Variants in FGGY observed in about 807,000 individuals in gnomAD.
FGGY encodes the protein FGGY carbohydrate kinase domain containing.
Under a neutral mutation model 71.3 loss-of-function variants are expected in FGGY, and 72 were observed. The ratio of observed to expected loss-of-function variants is 1.01; its 90% CI spans 0.84 to 1.23. FGGY has a LOEUF of 1.23. Among genes scored for constraint, FGGY ranks in the 50% most tolerant of loss-of-function variants. The pLI, the probability that FGGY is intolerant of heterozygous loss-of-function variation, is 0.00. For synonymous variants in FGGY, 251 were observed against 250.3 expected, an observed-to-expected ratio of 1.00 and a Z score of -0.02; for missense variants, 668 against 682.3, an observed-to-expected ratio of 0.98 and a Z score of 0.23.
intron 8 of FGGY, among the ~76,000 whole-genome samples, chr1:59,591,446 C>G (rs374276435): frequency 2.0e-4 from 30 of 152,014 alleles, no homozygotes; most frequent in South Asian, 4.2e-4. Flanking sequence ...CTACTTTAAA[C>G]TTCATATGGA....
chr1:59,296,637 A>AGGCCGTGCTTTACGGG (rs1553127428), upstream of FGGY: 1 of 104,276 alleles, frequency 9.6e-6, no homozygotes, highest in African/African-American at 3.7e-5. Flanking sequence ...AGGGCCAATC[A>AGGCCGTGCTTTACGGG]GGCCGCGCTT....
At chr1:59,546,535 G>GATGATGATTATT (rs1399823769) in intron 7 of FGGY, among the ~76,000 whole-genome samples, 2 of 129,352 alleles carry the variant, frequency 1.5e-5, no homozygotes, top group African/African-American at 6.2e-5. Context: ...TGATGATGAT[G>GATGATGATTATT]ATTATTATTA....
chr1:59,746,207 A>G (rs1408041407), intron 14 of FGGY, among the ~76,000 whole-genome samples: 19 of 152,208 alleles, frequency 1.2e-4, no homozygotes, highest in Admixed American at 1.2e-3. Context: ...GACATGTGTC[A>G]TTGTATCTCC....
chr1:59,690,143 A>G (rs1463096412), intron 14 of FGGY, among the ~76,000 whole-genome samples: 5 of 152,190 alleles, frequency 3.3e-5, no homozygotes, highest in Non-Finnish European at 7.3e-5. Context: ...AAGTGTTTCA[A>G]TGACTAGGAA....
intron 8 of FGGY, among the ~76,000 whole-genome samples, chr1:59,571,416 T>C (rs1332690228): frequency 1.3e-5 from 2 of 152,214 alleles, no homozygotes; most frequent in Non-Finnish European, 2.9e-5. Flanking sequence ...AGGAGATGAA[T>C]ACTCAGCAAA....
chr1:59,358,198 C>T (rs1479666218), intron 4 of FGGY, among the ~76,000 whole-genome samples: 1 of 152,114 alleles, frequency 6.6e-6, no homozygotes, highest in Non-Finnish European at 1.5e-5. Flanking sequence ...GCTAGAAGTC[C>T]AAAAAGGTGC....
intron 6 of FGGY, among the ~76,000 whole-genome samples, chr1:59,490,328 G>A (rs1247823879): frequency 1.3e-5 from 2 of 152,138 alleles, no homozygotes; most frequent in African/African-American, 2.4e-5. Context: ...GAGATTACAG[G>A]CGTGAGTCAC....
At chr1:59,381,392 C>T (rs1486419749) in intron 5 of FGGY, among the ~76,000 whole-genome samples, 1 of 152,120 alleles carries the variant, frequency 6.6e-6, no homozygotes, top group Non-Finnish European at 1.5e-5. Context: ...GCGGTATGGC[C>T]ATTTTCACAA....
intron 4 of FGGY, among the ~76,000 whole-genome samples, chr1:59,355,054 G>C (rs961429493): frequency 2.0e-5 from 3 of 152,226 alleles, no homozygotes; most frequent in African/African-American, 7.2e-5. Context: ...GCAGCCTTGA[G>C]GCCAGGGGCA....
intron 9 of FGGY, among the ~76,000 whole-genome samples, chr1:59,610,713 G>A (rs896458186): frequency 2.0e-5 from 3 of 152,240 alleles, no homozygotes; most frequent in African/African-American, 7.2e-5. Flanking sequence ...GCAGGGCGAG[G>A]CATCGCCTCA....
At position 59,731,785 on chromosome 1, in the gene FGGY, A is replaced by G. The variant is rs2098033715; in HGVS notation, c.1513-26146A>G. Among the ~76,000 whole-genome samples, 2 of 152,056 alleles carry G rather than the reference A, an allele frequency of 1.3e-5. 1 individual carries two copies. The highest frequency in any genetic ancestry group is 4.1e-4 in the South Asian group (2 of 4,832). On this transcript the variant is annotated intron_variant, in intron 14 of 15. Transcript: ENST00000303721. ...TGAGTAAGTCCTGCTAGTTTCTATG[A>G]TGATGCCTCTGAGTGTTCTAAGAGT...
intron 9 of FGGY, among the ~76,000 whole-genome samples, chr1:59,611,923 A>G (rs998993217): frequency 6.6e-6 from 1 of 152,248 alleles, no homozygotes; most frequent in Non-Finnish European, 1.5e-5. Context: ...AATGAATGAA[A>G]TGAAGCTACA....
intron 8 of FGGY, among the ~76,000 whole-genome samples, chr1:59,578,712 CA>C (rs1366914630): frequency 6.6e-6 from 1 of 151,936 alleles, no homozygotes; most frequent in Non-Finnish European, 1.5e-5. Context: ...ACAAATTTAC[CA>C]AGGAGAAGAG....
At chr1:59,467,193 C>G (rs1200381056) in intron 6 of FGGY, among the ~76,000 whole-genome samples, 2 of 152,108 alleles carry the variant, frequency 1.3e-5, no homozygotes, top group South Asian at 2.1e-4. Flanking sequence ...GAGTACATGT[C>G]TTTTGTAGGG....
intron 1 of FGGY, among the ~76,000 whole-genome samples, chr1:59,298,464 G>A (rs1258985947): frequency 6.6e-6 from 1 of 152,200 alleles, no homozygotes; most frequent in African/African-American, 2.4e-5. Flanking sequence ...AGAGGGTGGA[G>A]AGCCATGTCT....
rs200330124 is a variant in FGGY, at chr1:59,621,537, AT to A, written c.1012-4443del. Among the ~76,000 whole-genome samples the A allele has an allele frequency of 6.2e-3, 910 of 145,816 alleles. 11 individuals are homozygous for A. The highest frequency in any genetic ancestry group is 0.01 in the Non-Finnish European group (670 of 66,798). On this transcript the variant is annotated intron_variant, in intron 9 of 15. Coordinates refer to ENST00000303721, the MANE Select transcript of FGGY (RefSeq NM_018291.5). ...TCAACTGGCAAAAGACATTCTCTCT[AT>A]TTTTTTTCAATGCATTTATTTTATA... is the stretch of plus-strand genomic sequence containing the variant.
intron 6 of FGGY, among the ~76,000 whole-genome samples, chr1:59,500,310 T>A (rs143904529): frequency 2.0e-4 from 30 of 152,242 alleles, no homozygotes; most frequent in Non-Finnish European, 2.8e-4. Flanking sequence ...TGAATAAAGA[T>A]ATCACCTTAG....
intron 6 of FGGY, among the ~76,000 whole-genome samples, chr1:59,483,478 T>G (rs2153571570): frequency 6.6e-6 from 1 of 152,292 alleles, no homozygotes; most frequent in African/African-American, 2.4e-5. Flanking sequence ...AATAAAATAC[T>G]TCTCTAGGAT....
intron 6 of FGGY, among the ~76,000 whole-genome samples, chr1:59,497,813 T>C (rs146801683): frequency 2.6e-5 from 4 of 152,292 alleles, no homozygotes; most frequent in African/African-American, 9.6e-5. Flanking sequence ...GATTTCCTGT[T>C]AGTACCTGCA....
Sources: allele counts gnomAD v4.1 joint callset (sites outside exome capture counted in the v4.1 genomes callset), GRCh38; gene constraint gnomAD v4.1.1; transcripts MANE v1.5; gene names NCBI Gene and HGNC (gene_info 2026-07-23, HGNC 2026-07-21).